Variants in IL1RAPL1 observed in about 807,000 individuals in gnomAD.
IL1RAPL1 encodes interleukin-1 receptor accessory protein-like 1.
Under a neutral mutation model 48.4 loss-of-function variants are expected in IL1RAPL1, and 3 were observed. The ratio of observed to expected loss-of-function variants is 0.06; its 90% CI spans 0.03 to 0.16. IL1RAPL1 has a LOEUF of 0.16. Ranked by LOEUF, IL1RAPL1 falls within the 10% of genes least tolerant of loss-of-function variation. The probability of loss-of-function intolerance (pLI) is 1.00; values close to 1 mark genes in which losing one functional copy is unlikely to be tolerated. For synonymous variants in IL1RAPL1, 185 were observed against 187.7 expected, an observed-to-expected ratio of 0.99 and a Z score of 0.12; for missense variants, 349 against 530.6, an observed-to-expected ratio of 0.66 and a Z score of 3.36.
chrX:28,680,861 A>G (rs1428037764), intron 1 of IL1RAPL1, among the ~76,000 whole-genome samples: 2 of 111,403 alleles, frequency 1.8e-5, no homozygotes, highest in African/African-American at 3.3e-5. Flanking sequence ...GTTTTCTGAT[A>G]TTTTGTGGAG....
chrX:29,140,296 C>T (rs929697062), intron 2 of IL1RAPL1, among the ~76,000 whole-genome samples: 2 of 111,670 alleles, frequency 1.8e-5, no homozygotes, highest in East Asian at 2.8e-4. Flanking sequence ...TGAGATTTGA[C>T]GGGGACAAAT....
intron 2 of IL1RAPL1, among the ~76,000 whole-genome samples, chrX:28,854,909 G>A (rs1167181082): frequency 8.9e-6 from 1 of 112,019 alleles, no homozygotes; most frequent in Non-Finnish European, 1.9e-5. Flanking sequence ...AGTAACTGGA[G>A]TCAGCAAGAG....
At chrX:29,943,281 T>C (rs960880065) in intron 9 of IL1RAPL1, among the ~76,000 whole-genome samples, 2 of 112,090 alleles carry the variant, frequency 1.8e-5, no homozygotes, top group African/African-American at 6.5e-5. Flanking sequence ...ATAAGGACTT[T>C]GCCATTGTCG....
chrX:29,356,855 C>T (rs939441112), intron 3 of IL1RAPL1, among the ~76,000 whole-genome samples: 2 of 111,659 alleles, frequency 1.8e-5, no homozygotes, highest in African/African-American at 6.5e-5. Flanking sequence ...AGTCTGCACT[C>T]CCACTAGAAG....
rs140437006 is a variant in IL1RAPL1 at position 29,029,424 on chromosome X, G to A, written c.82+239999G>A. On this transcript the variant is annotated intron_variant, in intron 2 of 10. Coordinates refer to ENST00000378993, the MANE Select transcript of IL1RAPL1 (RefSeq NM_014271.4). ...TGGGATTGGGGGAGGGCTCACACAG[G>A]TAATGTAAAACTGCCCTTCCTACTC... Among the ~76,000 whole-genome samples, 50 of 111,418 alleles carry A rather than the reference G, an allele frequency of 4.5e-4. No homozygotes were observed. The East Asian group carries it at 0.013, about 30-fold the overall frequency.
intron 2 of IL1RAPL1, among the ~76,000 whole-genome samples, chrX:29,042,367 C>G (rs1251769563): frequency 9.0e-6 from 1 of 111,486 alleles, no homozygotes; most frequent in Admixed American, 9.5e-5. Flanking sequence ...CCCATTGGAA[C>G]TAGAAACTGT....
At chrX:29,295,202 T>G (rs1018855486) in intron 3 of IL1RAPL1, among the ~76,000 whole-genome samples, 2 of 111,732 alleles carry the variant, frequency 1.8e-5, no homozygotes, top group South Asian at 3.7e-4. Flanking sequence ...CTATGGGAAA[T>G]AAGTAAAAGA....
intron 6 of IL1RAPL1, among the ~76,000 whole-genome samples, chrX:29,823,168 T>C (rs1569179529): frequency 9.0e-6 from 1 of 111,527 alleles, no homozygotes; most frequent in Non-Finnish European, 1.9e-5. Context: ...TAAAGGTCCT[T>C]CCTGAAGATT....
intron 2 of IL1RAPL1, among the ~76,000 whole-genome samples, chrX:29,094,030 A>G (rs1928147467): frequency 8.9e-6 from 1 of 112,092 alleles, no homozygotes; most frequent in African/African-American, 3.2e-5. Context: ...CCAGAGCAAG[A>G]AATATTTCTT....
chrX:28,826,421 T>G (rs1267791250), intron 2 of IL1RAPL1, among the ~76,000 whole-genome samples: 1 of 111,616 alleles, frequency 9.0e-6, no homozygotes, highest in Non-Finnish European at 1.9e-5. Context: ...TAAAAATGCT[T>G]TTATGAGGCC....
chrX:29,232,717 C>T (rs1379535366), intron 2 of IL1RAPL1, among the ~76,000 whole-genome samples: 1 of 112,165 alleles, frequency 8.9e-6, no homozygotes, highest in Non-Finnish European at 1.9e-5. Flanking sequence ...TGTAGGAGAG[C>T]AAGATACCCA....
At chrX:29,812,334 C>T (rs750956288) in intron 6 of IL1RAPL1, among the ~76,000 whole-genome samples, 2 of 111,906 alleles carry the variant, frequency 1.8e-5, no homozygotes, top group East Asian at 5.6e-4. Context: ...ACTCCAAATT[C>T]TCTACCATGA....
chrX:29,057,772 T>A (rs1212500279), intron 2 of IL1RAPL1, among the ~76,000 whole-genome samples: 1 of 111,566 alleles, frequency 9.0e-6, no homozygotes, highest in Non-Finnish European at 1.9e-5. Flanking sequence ...ATTAAATAGC[T>A]CCTAGCTGGA....
intron 2 of IL1RAPL1, among the ~76,000 whole-genome samples, chrX:29,223,134 G>A (rs886521248): frequency 9.0e-6 from 1 of 111,083 alleles, no homozygotes; most frequent in African/African-American, 3.3e-5. Context: ...AAGTTGATAA[G>A]TATCCTGAAG....
chrX:28,627,860 T>C (rs1209991432), intron 1 of IL1RAPL1, among the ~76,000 whole-genome samples: 2 of 111,360 alleles, frequency 1.8e-5, no homozygotes, highest in Admixed American at 1.9e-4. Context: ...ATCATTTTCT[T>C]TCTTTTTTTT....
At chrX:29,546,449 G>A (rs966844066) in intron 5 of IL1RAPL1, among the ~76,000 whole-genome samples, 6 of 111,459 alleles carry the variant, frequency 5.4e-5, no homozygotes, top group East Asian at 2.8e-4. Flanking sequence ...TGCATTCTGC[G>A]AAGAAATATA....
intron 2 of IL1RAPL1, among the ~76,000 whole-genome samples, chrX:29,096,790 C>T (rs1928225570): frequency 9.1e-6 from 1 of 110,119 alleles, no homozygotes; most frequent in African/African-American, 3.3e-5. Context: ...TCCAAAATGG[C>T]CTTTACATGA....
chrX:29,149,682 C>T (rs1194402884), intron 2 of IL1RAPL1, among the ~76,000 whole-genome samples: 2 of 111,753 alleles, frequency 1.8e-5, no homozygotes, highest in African/African-American at 6.5e-5. Context: ...CAGGCCTAAA[C>T]CTGGATTATA....
chrX:29,172,583 T>C (rs1929930325), intron 2 of IL1RAPL1, among the ~76,000 whole-genome samples: 1 of 111,918 alleles, frequency 8.9e-6, no homozygotes, highest in Non-Finnish European at 1.9e-5. Context: ...AAATTGCTAA[T>C]ACAATACAAT....
Sources: allele counts gnomAD v4.1 joint callset (sites outside exome capture counted in the v4.1 genomes callset), GRCh38; gene constraint gnomAD v4.1.1; transcripts MANE v1.5; gene names NCBI Gene and HGNC (gene_info 2026-07-23, HGNC 2026-07-21).